Variants in NR4A1 observed in about 807,000 individuals in gnomAD.
NR4A1 encodes the protein nuclear receptor subfamily 4 group A member 1.
Under a neutral mutation model 47.5 loss-of-function variants are expected in NR4A1, and 24 were observed. The ratio of observed to expected loss-of-function variants is 0.50; its 90% CI spans 0.37 to 0.71. NR4A1 has a LOEUF of 0.71. NR4A1 is among the 30% of genes least tolerant of loss of function. NR4A1 has a pLI of 0.00. For missense variants in NR4A1, 669 were observed against 788.6 expected (o/e 0.85, Z 1.82); for synonymous variants, 353 against 345.7 (o/e 1.02, Z -0.24).
rs748889129 is a variant in NR4A1, at chr12:52,054,447, C to T, written c.119C>T (p.Pro40Leu). ...AAGCCCACCATGGACCTGGCCAGCC[C>T]CGAGGCAGCCCCCGCTGCCCCCACT... Reference protein sequence around the residue: ...FIKPTMDLASPEAAPAAPTAL... With the variant: ...FIKPTMDLASLEAAPAAPTAL... Residue 40 changes from proline to leucine, a missense_variant, in exon 2 of 7, where the codon CCC (proline) becomes CTC (leucine). Transcript: ENST00000394825. 7.4e-6 allele frequency: 12 copies of T among 1,613,754 alleles called. No homozygotes were observed. In the South Asian group the frequency reaches 1.3e-4, roughly 18 times the overall value.
chr12:52,055,091 G>A lies in NR4A1; in HGVS notation c.763G>A (p.Ala255Thr). 3 of 1,614,234 alleles carry A rather than the reference G, an allele frequency of 1.9e-6. No individual in the cohort carries two copies. The highest frequency in any genetic ancestry group is 1.7e-5 in the Admixed American group (1 of 60,034). Reference sequence around the variant, plus strand: ...GGATACACCCGTGACCTCAACCAAGGCCCGGAGCGGGGCCCCAGGTGGAAG... The same window carrying A: ...GGATACACCCGTGACCTCAACCAAGACCCGGAGCGGGGCCCCAGGTGGAAG... The part of the protein sequence containing the change: ...ILDTPVTSTK[A>T]RSGAPGGSEG... Residue 255 changes from alanine (A) to threonine (T), a missense_variant, in exon 2 of 7, where the codon GCC becomes ACC. Coordinates refer to ENST00000394825, the MANE Select transcript of NR4A1 (RefSeq NM_173157.3).
chr12:52,026,886 C>T (rs553794159), intron 1 of NR4A1, among the ~76,000 whole-genome samples: 2 of 152,296 alleles, frequency 1.3e-5, no homozygotes, highest in Admixed American at 6.5e-5. Flanking sequence ...ACCCACTCTT[C>T]CTCTGAGCGG....
intron 1 of NR4A1, among the ~76,000 whole-genome samples, chr12:52,032,808 C>G (rs1247175282): frequency 2.0e-5 from 3 of 152,152 alleles, no homozygotes; most frequent in Admixed American, 1.3e-4. Context: ...TCTGGAAAGA[C>G]AGCTCAAGAA....
At chr12:52,026,041 C>G (rs1190024912) in intron 1 of NR4A1, among the ~76,000 whole-genome samples, 10 of 152,196 alleles carry the variant, frequency 6.6e-5, no homozygotes, top group African/African-American at 2.4e-5. Flanking sequence ...TGCCCAAGGT[C>G]GGAATACCCT....
chr12:52,052,759 C>G (rs1009927275), intron 1 of NR4A1: 2 of 724,052 alleles, frequency 2.8e-6, no homozygotes, highest in Non-Finnish European at 3.4e-6. Flanking sequence ...AAGGCAGGAA[C>G]AAGCGCCCAG....
upstream of NR4A1, chr12:52,051,313 C>A: frequency 1.3e-6 from 1 of 782,324 alleles, no homozygotes; most frequent in Non-Finnish European, 1.6e-6. Flanking sequence ...TGGCCGCCTC[C>A]CGCCGGAACC....
At chr12:52,056,197 G>C (rs1321652071) in intron 3 of NR4A1, 38 bp downstream of exon 3, 8 of 1,553,700 alleles carry the variant, frequency 5.1e-6, no homozygotes, top group Non-Finnish European at 7.0e-6. Context: ...GGCAAGGGTA[G>C]GCTTGAGTGG....
chr12:52,039,642 C>G lies in NR4A1; in HGVS notation c.-83-2168C>G, dbSNP rs566826218. ...TCCACCACCCTTCCACGCACACTTA[C>G]TGAGCACCTGCCAGTGCTGAGCAGG... On this transcript the variant is annotated intron_variant, in intron 1 of 7. Transcript: ENST00000360284. Among the ~76,000 whole-genome samples the G allele has an allele frequency of 3.9e-5, 6 of 152,374 alleles. No homozygotes were observed. The South Asian group carries it at 1.0e-3, about 26-fold the overall frequency.
chr12:52,024,632 C>T (rs1019853790), intron 1 of NR4A1, among the ~76,000 whole-genome samples: 6 of 152,080 alleles, frequency 3.9e-5, no homozygotes, highest in African/African-American at 1.4e-4. Context: ...CTGCAGTGAG[C>T]CGTGATTGTG....
intron 1 of NR4A1, among the ~76,000 whole-genome samples, chr12:52,033,959 G>C (rs1938185443): frequency 6.6e-6 from 1 of 152,246 alleles, no homozygotes; most frequent in Non-Finnish European, 1.5e-5. Flanking sequence ...GGCCAGGATG[G>C]AGGTGGAGTG....
intron 2 of NR4A1, chr12:52,055,430 G>A: frequency 1.6e-6 from 1 of 624,910 alleles, no homozygotes; most frequent in East Asian, 2.7e-5. Flanking sequence ...CACAGAGCTG[G>A]AGGGAGGGGT....
intron 4 of NR4A1, 197 bp from the exon 5 acceptor site, chr12:52,056,860 G>A: frequency 1.3e-6 from 1 of 794,322 alleles, no homozygotes; most frequent in South Asian, 1.9e-5. Context: ...CAGGCAGGTG[G>A]CCAATTAGAA....
chr12:52,052,548 G>C (rs1254544398), intron 1 of NR4A1: 2 of 985,432 alleles, frequency 2.0e-6, no homozygotes, highest in East Asian at 1.1e-4. Flanking sequence ...CCACATTGTT[G>C]CCAAGACCTG....
chr12:52,038,862 C>A, intron 1 of NR4A1: 1 of 676,320 alleles, frequency 1.5e-6, no homozygotes. Flanking sequence ...AGGCCCTGTG[C>A]CTGGCTCAAA....
chr12:52,030,498 C>G (rs3858639), intron 1 of NR4A1, among the ~76,000 whole-genome samples: 34,828 of 152,042 alleles, frequency 0.23, 4,201 homozygotes, highest in Non-Finnish European at 0.25. Context: ...GTGCAATCTT[C>G]GCTAACTGCA....
chr12:52,023,974 C>T (rs912730674), intron 1 of NR4A1, among the ~76,000 whole-genome samples: 1 of 152,234 alleles, frequency 6.6e-6, no homozygotes, highest in African/African-American at 2.4e-5. Flanking sequence ...TGGAAATGCG[C>T]CTGCAGGACT....
intron 1 of NR4A1, chr12:52,053,567 T>TCCCG (rs1939090953): frequency 6.6e-6 from 1 of 152,388 alleles, no homozygotes; most frequent in African/African-American, 2.4e-5. Context: ...GGAGCCAGGT[T>TCCCG]ACCGATGAGG....
At chr12:52,055,615 G>A (rs1939220329) in intron 2 of NR4A1, 2 of 433,106 alleles carry the variant, frequency 4.6e-6, no homozygotes, top group South Asian at 9.9e-5. Context: ...TTGAGGGCTG[G>A]GGGTGGACTT....
At chr12:52,037,633 G>T in intron 1 of NR4A1, 2 of 985,512 alleles carry the variant, frequency 2.0e-6, no homozygotes, top group Non-Finnish European at 2.4e-6. Context: ...GACGGCCAAG[G>T]CTTTCTCTCC....
Sources: gnomAD v4.1 joint callset for allele counts (sites outside exome capture counted in the v4.1 genomes callset) on GRCh38, gnomAD v4.1.1 for gene constraint, MANE v1.5 for transcripts, NCBI Gene and HGNC (gene_info 2026-07-23, HGNC 2026-07-21) for gene names.